SCRN1: variants seen among roughly 807,000 people sequenced by gnomAD.
SCRN1 encodes the protein secernin 1.
A neutral mutation model predicts 43.3 loss-of-function variants in SCRN1; 19 were observed. The ratio of observed to expected loss-of-function variants is 0.44; its 90% CI spans 0.31 to 0.64. The LOEUF is 0.64. Ranked by LOEUF, SCRN1 falls within the 30% of genes least tolerant of loss-of-function variation. The probability of loss-of-function intolerance (pLI) is 0.09; values close to 1 mark genes in which losing one functional copy is unlikely to be tolerated. For missense variants in SCRN1, 447 were observed against 524.1 expected (o/e 0.85, Z 1.44); for synonymous variants, 183 against 188.9 (o/e 0.97, Z 0.26).
chr7:29,969,327 G>A, intron 1 of SCRN1: 1 of 472,908 alleles, frequency 2.1e-6, no homozygotes, highest in South Asian at 2.7e-5. Flanking sequence ...GCAGCCAAAA[G>A]TGCAGTGATG....
chr7:29,986,461 A>G lies in SCRN1; in HGVS notation c.-2+3181T>C, dbSNP rs182922834. Among the ~76,000 whole-genome samples the G allele has an allele frequency of 7.2e-5, 11 of 152,212 alleles. No individual in the cohort carries two copies. In the East Asian group the frequency reaches 1.7e-3, roughly 24 times the overall value. On this transcript the variant is annotated intron_variant, in intron 1 of 7. Transcript: ENST00000242059. ...ATTGTGTGTATATTTTACACTCAGC[A>G]TATCTCAATACAAACTAGCTGCATT...
chr7:29,958,813 A>G (rs941109658), intron 2 of SCRN1, among the ~76,000 whole-genome samples: 2 of 152,204 alleles, frequency 1.3e-5, no homozygotes, highest in Non-Finnish European at 2.9e-5. Context: ...TCACATAACA[A>G]TATAAGAATG....
intron 1 of SCRN1, 56 bp downstream of exon 1, chr7:29,989,586 T>G (rs1789293311): frequency 1.0e-6 from 1 of 985,216 alleles, no homozygotes; most frequent in Non-Finnish European, 1.2e-6. Context: ...GCGGGTGGGG[T>G]GAAACCGCCG....
chr7:29,958,132 G>A (rs1366727624), intron 2 of SCRN1, among the ~76,000 whole-genome samples: 8 of 152,136 alleles, frequency 5.3e-5, no homozygotes, highest in African/African-American at 1.9e-4. Context: ...CACAGGCCCC[G>A]AGCCTGGAAC....
At chr7:29,953,151 C>T (rs1228445389) in intron 3 of SCRN1, among the ~76,000 whole-genome samples, 1 of 152,226 alleles carries the variant, frequency 6.6e-6, no homozygotes, top group Non-Finnish European at 1.5e-5. Context: ...TGCTGAAGGC[C>T]ACACCCTGGA....
chr7:29,931,079 G>A (rs1261580098), intron 6 of SCRN1, among the ~76,000 whole-genome samples: 2 of 152,216 alleles, frequency 1.3e-5, no homozygotes, highest in Non-Finnish European at 1.5e-5. Flanking sequence ...TTGAGGCACA[G>A]CCAAGAAACA....
chr7:29,958,852 T>C (rs1191582744), intron 2 of SCRN1, among the ~76,000 whole-genome samples: 6 of 152,158 alleles, frequency 3.9e-5, no homozygotes, highest in African/African-American at 9.7e-5. Flanking sequence ...GCAAGCATTC[T>C]TCTAAATGTC....
In SCRN1 at chr7:29,953,869, C is replaced by T. The variant is rs559447785; in HGVS notation, c.341+1310G>A. On this transcript the variant is annotated intron_variant, in intron 3 of 7. Transcript: ENST00000242059. The stretch of plus-strand genomic sequence containing the variant: ...TAGGATGTTAGCTTTGGGAGTTCTT[C>T]GGAAGTCATCCAATCTAGACCTCAT... Among the ~76,000 whole-genome samples the T allele has an allele frequency of 4.6e-5, 7 of 152,144 alleles. No individual in the cohort carries two copies. In the South Asian group the frequency reaches 6.2e-4, roughly 14 times the overall value.
intron 6 of SCRN1, among the ~76,000 whole-genome samples, chr7:29,935,935 C>G (rs1278818313): frequency 6.6e-6 from 1 of 152,222 alleles, no homozygotes; most frequent in Non-Finnish European, 1.5e-5. Flanking sequence ...TATTCAGCTA[C>G]TATGTGGCAA....
At chr7:29,990,149 CAA>C, upstream of SCRN1, 1 of 1,551,612 alleles carries the variant, frequency 6.4e-7, no homozygotes, top group Non-Finnish European at 8.7e-7. Context: ...GGCGCCCACA[CAA>C]GATTTCCCCG....
intron 3 of SCRN1, among the ~76,000 whole-genome samples, chr7:29,953,739 C>T (rs1788034992): frequency 6.6e-6 from 1 of 152,148 alleles, no homozygotes; most frequent in Non-Finnish European, 1.5e-5. Flanking sequence ...AAGGGTGTCC[C>T]TCGCAGACCT....
rs141045602 is a variant in SCRN1, at chr7:29,926,149, A to C, written c.1086+303T>G. On this transcript the variant is annotated intron_variant, in intron 7 of 7. Coordinates refer to ENST00000242059, the MANE Select transcript of SCRN1 (RefSeq NM_014766.5). ...ACACAATATATAACAGTTATCCCTA[A>C]CGTACTGCATATTCCTATTATTCCT... 3.1e-3 allele frequency among the ~76,000 whole-genome samples: 470 copies of C among 152,334 alleles called. 1 individual carries two copies. The highest frequency in any genetic ancestry group is 0.011 in the African/African-American group (455 of 41,578).
Position 29,955,374 on chromosome 7 carries a change from A to C in SCRN1, c.160-14T>G. On this transcript the variant is annotated splice_polypyrimidine_tract_variant and intron_variant, in intron 2 of 7. Transcript: ENST00000242059. ...AATGTAAGTGCACTGAAAAACAAAC[A>C]CAGGAAAGAAAGCGCCATCACCTGT... 1.2e-6 allele frequency: 2 copies of C among 1,611,738 alleles called. No homozygotes were observed. The highest frequency in any genetic ancestry group is 1.1e-5 in the South Asian group (1 of 90,712).
At chr7:29,944,871 G>A (rs1390380803) in intron 3 of SCRN1, among the ~76,000 whole-genome samples, 1 of 151,928 alleles carries the variant, frequency 6.6e-6, no homozygotes, top group East Asian at 1.9e-4. Context: ...ACCCCTCTGT[G>A]GCATGTACTC....
Position 29,969,890 on chromosome 7 carries a change from G to C in SCRN1, c.-1-822C>G, listed in dbSNP as rs183604202. On this transcript the variant is annotated intron_variant, in intron 1 of 7. Transcript: ENST00000242059. ...TTCCCTTTTCAAGGTTCTTTATCTT[G>C]GTAGCCAAGGTAACCATCCTTGCCA... 1.5e-4 allele frequency: 68 copies of C among 456,274 alleles called. 1 individual carries two copies. The highest frequency in any genetic ancestry group is 1.2e-3 in the African/African-American group (62 of 50,090). 28.3% of individuals were successfully genotyped at this position (456,274 alleles called of 1,614,324 possible). A position where few individuals can be genotyped will look rare whatever the true frequency, so the allele number is the denominator to read the frequency against.
Position 29,926,538 on chromosome 7 carries a change from C to T in SCRN1, c.1000G>A (p.Glu334Lys). Reference sequence around the variant, plus strand: ...TCTGGTTTCTCCTGGAACCGAGGCTCCTTTTTGGCAGGGTCGTCATCCCCA... The same window carrying T: ...TCTGGTTTCTCCTGGAACCGAGGCTTCTTTTTGGCAGGGTCGTCATCCCCA... ...CFGDDDPAKK[E>K]PRFQEKPDRR... Residue 334 changes from glutamate to lysine, a missense_variant, in exon 7 of 8, where the codon GAG becomes AAG. By Grantham distance (56) the Glu-to-Lys change is moderately conservative. Transcript: ENST00000242059. 2 of 1,614,126 alleles carry T rather than the reference C, an allele frequency of 1.2e-6. No homozygotes were observed. The highest frequency in any genetic ancestry group is 1.7e-6 in the Non-Finnish European group (2 of 1,180,032).
intron 6 of SCRN1, 115 bp from the exon 7 acceptor site, chr7:29,926,747 T>C: frequency 1.4e-6 from 1 of 714,322 alleles, no homozygotes. Context: ...GGGTGGTGGG[T>C]GTGGGTGACG....
intron 6 of SCRN1, among the ~76,000 whole-genome samples, chr7:29,932,538 G>C (rs1016797566): frequency 1.2e-4 from 18 of 150,314 alleles, no homozygotes; most frequent in African/African-American, 4.2e-4. Context: ...TGTAGTCCCA[G>C]CTACTCAGGA....
intron 2 of SCRN1, among the ~76,000 whole-genome samples, chr7:29,967,752 T>C (rs1788543221): frequency 6.6e-6 from 1 of 152,020 alleles, no homozygotes; most frequent in Admixed American, 6.6e-5. Flanking sequence ...GAACAACAAC[T>C]AAACAATCTC....
Sources: gnomAD v4.1 joint callset for allele counts (sites outside exome capture counted in the v4.1 genomes callset) on GRCh38, gnomAD v4.1.1 for gene constraint, MANE v1.5 for transcripts, NCBI Gene and HGNC (gene_info 2026-07-23, HGNC 2026-07-21) for gene names.